MAP4K3: variants seen among roughly 807,000 people sequenced by gnomAD.
The protein encoded by MAP4K3 is MAPK/ERK kinase kinase kinase 3.
Under a neutral mutation model 143.5 loss-of-function variants are expected in MAP4K3, and 94 were observed. The ratio of observed to expected loss-of-function variants is 0.65; its 90% CI spans 0.55 to 0.78. The LOEUF is 0.78. MAP4K3 is among the 30% of genes least tolerant of loss of function. MAP4K3 has a pLI of 0.00. For synonymous variants in MAP4K3, 416 were observed against 347.2 expected, an observed-to-expected ratio of 1.20 and a Z score of -2.20; for missense variants, 1,077 against 1,068.1, an observed-to-expected ratio of 1.01 and a Z score of -0.12.
At chr2:39,293,093 G>T in intron 17 of MAP4K3, 137 bp downstream of exon 17, 1 of 737,070 alleles carries the variant, frequency 1.4e-6, no homozygotes, top group South Asian at 1.7e-5. Flanking sequence ...ATCCAGCCTG[G>T]GCAACAGAGC....
chr2:39,301,165 C>G (rs1172004302), intron 15 of MAP4K3, among the ~76,000 whole-genome samples: 4 of 152,000 alleles, frequency 2.6e-5, no homozygotes, highest in Non-Finnish European at 4.4e-5. Flanking sequence ...AATCAAAATC[C>G]TGGTTTAGAC....
intron 3 of MAP4K3, among the ~76,000 whole-genome samples, chr2:39,349,737 G>A (rs2148543468): frequency 6.7e-6 from 1 of 148,542 alleles, no homozygotes; most frequent in Non-Finnish European, 1.5e-5. Context: ...AGGAGAAGGG[G>A]GATGGGAAAA....
At chr2:39,360,870 A>C (rs1032150860) in intron 2 of MAP4K3, among the ~76,000 whole-genome samples, 2 of 152,186 alleles carry the variant, frequency 1.3e-5, no homozygotes, top group Non-Finnish European at 2.9e-5. Context: ...CCCTCCCATA[A>C]CATGTGGGGA....
intron 15 of MAP4K3, among the ~76,000 whole-genome samples, chr2:39,303,925 G>GAA (rs11448994): frequency 6.6e-6 from 1 of 152,140 alleles, no homozygotes; most frequent in Admixed American, 6.5e-5. Flanking sequence ...ATGCAAATTA[G>GAA]AAAAAAATAG....
At chr2:39,390,017 A>T (rs1218104125) in intron 1 of MAP4K3, among the ~76,000 whole-genome samples, 1 of 152,178 alleles carries the variant, frequency 6.6e-6, no homozygotes, top group Non-Finnish European at 1.5e-5. Context: ...GTTAGTGAAT[A>T]ATTTGGGGTC....
intron 15 of MAP4K3, among the ~76,000 whole-genome samples, chr2:39,300,564 A>G (rs1482708711): frequency 1.3e-5 from 2 of 152,244 alleles, no homozygotes; most frequent in African/African-American, 4.8e-5. Context: ...CCTCTTCTTA[A>G]AGAGCCACTG....
intron 15 of MAP4K3, among the ~76,000 whole-genome samples, chr2:39,301,047 A>G (rs369275810): frequency 6.6e-6 from 1 of 152,190 alleles, no homozygotes; most frequent in African/African-American, 2.4e-5. Context: ...GACACTAAAA[A>G]CTAAGCCTCA....
At chr2:39,346,671 C>G (rs999772579) in intron 3 of MAP4K3, among the ~76,000 whole-genome samples, 1 of 152,172 alleles carries the variant, frequency 6.6e-6, no homozygotes, top group Non-Finnish European at 1.5e-5. Flanking sequence ...GAACCTAAAT[C>G]AGGAGTCCAC....
At chr2:39,396,314 T>C (rs1329632668) in intron 1 of MAP4K3, among the ~76,000 whole-genome samples, 1 of 152,100 alleles carries the variant, frequency 6.6e-6, no homozygotes, top group Non-Finnish European at 1.5e-5. Flanking sequence ...GTGTTGGGAT[T>C]ATAGGTGAGC....
intron 29 of MAP4K3, among the ~76,000 whole-genome samples, chr2:39,260,070 C>G (rs1348271535): frequency 6.6e-6 from 1 of 152,062 alleles, no homozygotes; most frequent in Non-Finnish European, 1.5e-5. Context: ...AATAAAAAAA[C>G]TGGTGTATGT....
chr2:39,354,528 G>A (rs1273709247), intron 3 of MAP4K3, among the ~76,000 whole-genome samples: 1 of 152,038 alleles, frequency 6.6e-6, no homozygotes, highest in East Asian at 1.9e-4. Context: ...TGAGGCAGGA[G>A]AATCTCTTGA....
chr2:39,342,108 GTATTATTATTATTATTAT>G lies in MAP4K3; in HGVS notation c.310+1262_310+1279del, dbSNP rs113261872. ...GAAAATGCACTTCTTTGTCTTTCTA[GTATTATTATTATTATTAT>G]TATTATTATTATTATTATTATTATT... is the stretch of plus-strand genomic sequence containing the variant. On this transcript the variant is annotated intron_variant, in intron 4 of 33. Transcript: ENST00000263881. 4.0e-3 allele frequency among the ~76,000 whole-genome samples: 578 copies of G among 143,140 alleles called. 3 individuals carry two copies. The highest frequency in any genetic ancestry group is 7.6e-3 in the African/African-American group (295 of 38,756). 93.9% of individuals were successfully genotyped at this position (143,140 alleles called of 152,430 possible).
chr2:39,349,977 C>T (rs917624531), intron 3 of MAP4K3, among the ~76,000 whole-genome samples: 5 of 152,112 alleles, frequency 3.3e-5, no homozygotes, highest in African/African-American at 1.2e-4. Context: ...TAGTTCTTAA[C>T]TGGGAGTGAC....
At chr2:39,257,031 ACTTAT>A (rs1680367776) in intron 31 of MAP4K3, among the ~76,000 whole-genome samples, 1 of 152,184 alleles carries the variant, frequency 6.6e-6, no homozygotes, top group Admixed American at 6.5e-5. Context: ...CTCGAAACTG[ACTTAT>A]TATAATCATT....
At chr2:39,364,856 ACT>A (rs1665875482) in intron 2 of MAP4K3, among the ~76,000 whole-genome samples, 1 of 125,408 alleles carries the variant, frequency 8.0e-6, no homozygotes, top group Non-Finnish European at 1.7e-5. Context: ...ACAGAGAGAA[ACT>A]CTGTCTCAAA....
At chr2:39,354,518 T>C (rs10179302) in intron 3 of MAP4K3, among the ~76,000 whole-genome samples, 113,046 of 151,644 alleles carry the variant, frequency 0.75, 45,411 homozygotes, top group Non-Finnish European at 0.89. Flanking sequence ...CTTGGGAAGC[T>C]GAGGCAGGAG....
chr2:39,314,449 G>A (rs891208026), intron 13 of MAP4K3, among the ~76,000 whole-genome samples: 1 of 152,154 alleles, frequency 6.6e-6, no homozygotes, highest in Non-Finnish European at 1.5e-5. Flanking sequence ...AAATAGTTTT[G>A]TGGTGAAATT....
intron 8 of MAP4K3, 24 bp downstream of exon 8, chr2:39,331,893 A>AAATATC (rs1427358387): frequency 6.9e-7 from 1 of 1,442,370 alleles, no homozygotes; most frequent in East Asian, 2.3e-5. Context: ...ACAAAGTATT[A>AAATATC]AATATCAATT....
At chr2:39,299,666 TA>T in intron 16 of MAP4K3, 76 bp downstream of exon 16, 1 of 758,526 alleles carries the variant, frequency 1.3e-6, no homozygotes. Context: ...TTTTCTACCT[TA>T]AATATTAAAA....
Sources: gnomAD v4.1 joint callset for allele counts (sites outside exome capture counted in the v4.1 genomes callset) on GRCh38, gnomAD v4.1.1 for gene constraint, MANE v1.5 for transcripts, NCBI Gene and HGNC (gene_info 2026-07-23, HGNC 2026-07-21) for gene names.